KCNN1: variants seen among roughly 807,000 people sequenced by gnomAD.
The protein encoded by KCNN1 is potassium calcium-activated channel subfamily N member 1.
A neutral mutation model predicts 44.7 loss-of-function variants in KCNN1; 20 were observed. That is an observed-to-expected ratio of 0.45 (90% CI 0.32 to 0.65). The LOEUF is 0.65. Ranked by LOEUF, KCNN1 falls within the 30% of genes least tolerant of loss-of-function variation. The pLI is 0.05. For synonymous variants in KCNN1, 324 were observed against 341.7 expected (o/e 0.95, Z 0.57); for missense variants, 632 against 785.3 (o/e 0.80, Z 2.33).
At chr19:17,959,420 G>A (rs1225998246) in intron 2 of KCNN1, among the ~76,000 whole-genome samples, 2 of 151,064 alleles carry the variant, frequency 1.3e-5, no homozygotes, top group African/African-American at 2.4e-5. Flanking sequence ...ACCACGCCTG[G>A]CTAATTTTTG....
chr19:17,957,311 A>G (rs1199710597), intron 2 of KCNN1, among the ~76,000 whole-genome samples: 1 of 146,508 alleles, frequency 6.8e-6, no homozygotes, highest in Non-Finnish European at 1.5e-5. Flanking sequence ...AGGGAGGGAG[A>G]GAGAAAAAAA....
chr19:17,976,823 C>G (rs1323481889), intron 3 of KCNN1, among the ~76,000 whole-genome samples: 1 of 151,662 alleles, frequency 6.6e-6, no homozygotes, highest in African/African-American at 2.4e-5. Flanking sequence ...TCAAGTGATT[C>G]TCCTGCCTCA....
intron 7 of KCNN1, among the ~76,000 whole-genome samples, chr19:17,990,799 CA>C (rs1252211442): frequency 3.3e-3 from 180 of 54,864 alleles, no homozygotes; most frequent in Non-Finnish European, 3.9e-3. Flanking sequence ...GACTCTGTCT[CA>C]AAAAAAAAAA....
At chr19:17,953,002 C>T (rs947218517) in intron 1 of KCNN1, among the ~76,000 whole-genome samples, 1 of 152,144 alleles carries the variant, frequency 6.6e-6, no homozygotes, top group Non-Finnish European at 1.5e-5. Flanking sequence ...CCTCTGCCCC[C>T]GCCGCCGTTT....
At chr19:17,952,004 A>G (rs939510295) in intron 1 of KCNN1, among the ~76,000 whole-genome samples, 1 of 152,062 alleles carries the variant, frequency 6.6e-6, no homozygotes, top group Non-Finnish European at 1.5e-5. Flanking sequence ...CATCTCTTTG[A>G]CCGTCTTCTA....
At chr19:17,988,319 T>C (rs1599372696) in intron 5 of KCNN1, 96 bp from the exon 6 acceptor site, 1 of 945,446 alleles carries the variant, frequency 1.1e-6, no homozygotes, top group East Asian at 2.6e-5. Flanking sequence ...CACTGCTGGC[T>C]CAGAGAATGG....
chr19:17,975,257 T>G, intron 3 of KCNN1, 70 bp downstream of exon 3: 1 of 1,100,958 alleles, frequency 9.1e-7, no homozygotes, highest in Non-Finnish European at 1.4e-6. Flanking sequence ...CAGCCCACCT[T>G]AGACCCCATC....
intron 1 of KCNN1, among the ~76,000 whole-genome samples, chr19:17,971,818 C>G (rs2032033174): frequency 6.6e-6 from 1 of 151,796 alleles, no homozygotes; most frequent in Admixed American, 6.6e-5. Flanking sequence ...TAAAACTGGC[C>G]AAATCCCAGG....
rs747427660 is a variant in KCNN1, at chr19:17,989,801, G to A, written c.1256G>A (p.Arg419Gln). The A allele has an allele frequency of 6.8e-6, 11 of 1,613,942 alleles. No homozygotes were observed. Among genetic ancestry groups the A allele is most frequent in the Admixed American group, 5.0e-5 (3 of 59,998 alleles). Residue 419 changes from arginine to glutamine, a missense_variant, in exon 7 of 10, where the codon CGG (arginine) becomes CAG (glutamine). Coordinates refer to ENST00000684775, the MANE Select transcript of KCNN1 (RefSeq NM_001386974.1). ...CTGGTGAAGAAGCCAGACCAAGCCC[G>A]GGTTCGGAAACACCAGCGTAAGTTC... is the stretch of plus-strand genomic sequence containing the variant. ...TRLVKKPDQARVRKHQRKFLQ... is the reference protein window; with the variant it reads ...TRLVKKPDQAQVRKHQRKFLQ...
intron 4 of KCNN1, among the ~76,000 whole-genome samples, chr19:17,984,594 C>G (rs965283847): frequency 3.3e-5 from 5 of 152,132 alleles, no homozygotes; most frequent in Non-Finnish European, 5.9e-5. Flanking sequence ...GAGCCACCCC[C>G]AGACCCAGAG....
At chr19:17,963,174 G>A (rs911448576), upstream of KCNN1, among the ~76,000 whole-genome samples, 4 of 150,194 alleles carry the variant, frequency 2.7e-5, no homozygotes, top group African/African-American at 7.4e-5. Context: ...CGCCACACCC[G>A]GCTAAGTTTT....
At chr19:17,977,802 A>G (rs1413263742) in intron 3 of KCNN1, among the ~76,000 whole-genome samples, 2 of 152,118 alleles carry the variant, frequency 1.3e-5, no homozygotes, top group Non-Finnish European at 2.9e-5. Context: ...GCAGAACACA[A>G]ATCAACCTAT....
chr19:17,961,214 A>G (rs940474682), intron 2 of KCNN1, among the ~76,000 whole-genome samples: 5 of 150,256 alleles, frequency 3.3e-5, no homozygotes, highest in Non-Finnish European at 7.4e-5. Context: ...AAACCCAGAA[A>G]CCAGTTATTA....
rs756412682 is a variant in KCNN1, at chr19:17,993,455, G to T, written c.1308-35G>T. Reference sequence around the variant, plus strand: ...CCCACTGCAGCCTCCACGGGAACCTGCCTAACCCCCTCCCCCAACCCCGTG... The same window carrying T: ...CCCACTGCAGCCTCCACGGGAACCTTCCTAACCCCCTCCCCCAACCCCGTG... On this transcript the variant is annotated intron_variant, in intron 8 of 9. Transcript: ENST00000684775. The surrounding 1 kb of genome is among the most constrained non-coding windows in gnomAD (Gnocchi z 4.5). 3 of 1,565,374 alleles carry T rather than the reference G, an allele frequency of 1.9e-6. No homozygotes were observed. The highest frequency in any genetic ancestry group is 2.6e-6 in the Non-Finnish European group (3 of 1,139,642).
In KCNN1 at chr19:17,993,202, G is replaced by C; in HGVS notation, c.1307+140G>C. 9.4e-7 allele frequency: 1 copy of C among 1,062,598 alleles called. No homozygotes were observed. The highest frequency in any genetic ancestry group is 1.4e-6 in the Non-Finnish European group (1 of 713,086). 65.8% of individuals were successfully genotyped at this position (1,062,598 alleles called of 1,614,324 possible). A position where few individuals can be genotyped will look rare whatever the true frequency, so the allele number is the denominator to read the frequency against. On this transcript the variant is annotated intron_variant, in intron 8 of 9. Transcript: ENST00000684775. The surrounding 1 kb of genome is among the most constrained non-coding windows in gnomAD (Gnocchi z 4.5). ...ACATCTGCCCCATGGATCCGTGCAG[G>C]CTTCACCTTGGTCTGGGATCCAACT... is the stretch of plus-strand genomic sequence containing the variant.
At chr19:17,973,737 C>T (rs1219321560) in intron 1 of KCNN1, 71 bp from the exon 2 acceptor site, 28 of 1,425,810 alleles carry the variant, frequency 2.0e-5, no homozygotes, top group Middle Eastern at 2.3e-4. Flanking sequence ...CTGGGTTGGC[C>T]GGGATGGTCC....
At chr19:17,975,643 A>T (rs1235056114) in intron 3 of KCNN1, among the ~76,000 whole-genome samples, 2 of 151,620 alleles carry the variant, frequency 1.3e-5, no homozygotes, top group African/African-American at 4.8e-5. Context: ...CTGGTCTCGA[A>T]CTCCTGACCT....
At position 17,998,008 on chromosome 19, in the gene KCNN1, A is replaced by G; in HGVS notation, c.1378-144A>G. ...CCTCTGGGGCTGGGGGTATCCTCCC[A>G]GCCACCCCTCACACGGGCCCCATTA... On this transcript the variant is annotated intron_variant, in intron 9 of 9. Coordinates refer to ENST00000684775, the MANE Select transcript of KCNN1 (RefSeq NM_001386974.1). The surrounding 1 kb of genome is among the most constrained non-coding windows in gnomAD (Gnocchi z 5.4). The G allele has an allele frequency of 1.1e-6, 1 of 876,804 alleles. No homozygotes were observed. The highest frequency in any genetic ancestry group is 1.6e-6 in the Non-Finnish European group (1 of 608,338). 54.3% of individuals were successfully genotyped at this position (876,804 alleles called of 1,614,324 possible).
chr19:17,969,381 A>T (rs993303882), intron 1 of KCNN1, among the ~76,000 whole-genome samples: 4 of 152,246 alleles, frequency 2.6e-5, no homozygotes, highest in Admixed American at 2.6e-4. Context: ...TGGGAACGGG[A>T]ATGCCACCTT....
Sources: gnomAD v4.1 joint callset for allele counts (sites outside exome capture counted in the v4.1 genomes callset) on GRCh38, gnomAD v4.1.1 for gene constraint, Gnocchi (gnomAD v3.1) non-coding constraint, MANE v1.5 for transcripts, NCBI Gene and HGNC (gene_info 2026-07-23, HGNC 2026-07-21) for gene names.